Variants in TNFAIP8L1 observed in about 807,000 individuals in gnomAD.
The protein encoded by TNFAIP8L1 is TNF alpha induced protein 8 like 1.
For missense variants in TNFAIP8L1, 225 were observed against 266.1 expected (o/e 0.85, Z 1.08); for synonymous variants, 127 against 125.6 (o/e 1.01, Z -0.08).
chr19:4,649,886 C>T (rs2088346180), intron 1 of TNFAIP8L1, among the ~76,000 whole-genome samples: 1 of 152,216 alleles, frequency 6.6e-6, no homozygotes, highest in Non-Finnish European at 1.5e-5. Flanking sequence ...TGGAACTTCT[C>T]CCGGAGTCTG....
rs572976415 is a variant in TNFAIP8L1 at position 4,643,880 on chromosome 19, G to A, written c.-4+4251G>A. The stretch of plus-strand genomic sequence containing the variant: ...AACTGGAGAGGTGGAGGTTGCAGTG[G>A]GCTGAGATCGCGCAACAGAGCGAGA... On this transcript the variant is annotated intron_variant, in intron 1 of 1. Transcript: ENST00000327473. Among the ~76,000 whole-genome samples, 20 of 150,686 alleles carry A rather than the reference G, an allele frequency of 1.3e-4. No individual in the cohort carries two copies. The South Asian group carries it at 4.3e-3, about 32-fold the overall frequency.
chr19:4,648,475 C>A (rs143660774), intron 1 of TNFAIP8L1, among the ~76,000 whole-genome samples: 5 of 152,346 alleles, frequency 3.3e-5, no homozygotes, highest in African/African-American at 1.2e-4. Context: ...AGGGGAAGGC[C>A]AGGCAGCTGG....
In TNFAIP8L1 at chr19:4,651,934, C is replaced by T. The variant is rs1432818954; in HGVS notation, c.65C>T (p.Ala22Val). 1.2e-6 allele frequency: 2 copies of T among 1,613,654 alleles called. No homozygotes were observed. The highest frequency in any genetic ancestry group is 1.7e-6 in the Non-Finnish European group (2 of 1,179,734). ...CAGAAGAAGCTCCTGAGTAAGATGG[C>T]GTCCAAGGCAGTGGTGGCCGTGCTG... ...QAQKKLLSKM[A>V]SKAVVAVLVD... Residue 22 changes from alanine (A) to valine (V), a missense_variant, in exon 2 of 2, where the codon GCG (alanine) becomes GTG (valine). Ala to Val is a moderately conservative substitution (Grantham distance 64, BLOSUM62 0). Coordinates refer to ENST00000327473, the MANE Select transcript of TNFAIP8L1 (RefSeq NM_152362.3).
In TNFAIP8L1 at chr19:4,645,706, CAAAA is replaced by C. The variant is rs58019387; in HGVS notation, c.-4+6091_-4+6094del. ...GAGGCTGAGGCAGGAGGATCCGTCT[CAAAA>C]AAAAAAAAAAAAAGGAATATAGGGA... On this transcript the variant is annotated intron_variant, in intron 1 of 1. Transcript: ENST00000327473. This position sits in a 1 kb window ranked among gnomAD's most constrained non-coding sequence, Gnocchi z 4.1. Among the ~76,000 whole-genome samples, 3 of 92,802 alleles carry C rather than the reference CAAAA, an allele frequency of 3.2e-5. No individual in the cohort carries two copies. The highest frequency in any genetic ancestry group is 1.2e-4 in the Admixed American group (1 of 8,338). The allele number at this position is 92,802 out of a possible 152,430, so 60.9% of individuals were successfully genotyped here.
At chr19:4,649,297 G>C (rs1599827857) in intron 1 of TNFAIP8L1, among the ~76,000 whole-genome samples, 1 of 151,964 alleles carries the variant, frequency 6.6e-6, no homozygotes. Flanking sequence ...ACAGAGCTGA[G>C]GTGGGCACGG....
Position 4,652,417 on chromosome 19 carries a change from AG to A in TNFAIP8L1, c.551del (p.Gly184AlafsTer57). On this transcript the variant is annotated frameshift_variant, in exon 2 of 2. Transcript: ENST00000327473. LOFTEE classifies it high-confidence loss of function. Reference sequence around the variant, plus strand: ...GAGGGCCTGGGCCGGATGCTGGACGAGGGCAGCCTCTGAACCCCGGCGCCGC... The same window carrying A: ...GAGGGCCTGGGCCGGATGCTGGACGAGGCAGCCTCTGAACCCCGGCGCCGC... ...ICEGLGRMLD[E>X]GSL 6.5e-7 allele frequency: 1 copy of A among 1,528,420 alleles called. No individual in the cohort carries two copies. Among genetic ancestry groups the A allele is most frequent in the Non-Finnish European group, 8.8e-7 (1 of 1,135,182 alleles). 94.7% of individuals were successfully genotyped at this position (1,528,420 alleles called of 1,614,324 possible). A position where few individuals can be genotyped will look rare whatever the true frequency, so the allele number is the denominator to read the frequency against.
At chr19:4,649,440 G>T (rs1162191078) in intron 1 of TNFAIP8L1, among the ~76,000 whole-genome samples, 1 of 152,146 alleles carries the variant, frequency 6.6e-6, no homozygotes, top group Non-Finnish European at 1.5e-5. Flanking sequence ...ATTTCAGATG[G>T]GGAAACTGAG....
In TNFAIP8L1 at chr19:4,641,808, C is replaced by T. The variant is rs1230501219; in HGVS notation, c.-4+2179C>T. 1 of 152,196 alleles carries T rather than the reference C, an allele frequency of 6.6e-6. No individual in the cohort carries two copies. Among genetic ancestry groups the T allele is most frequent in the Non-Finnish European group, 1.5e-5 (1 of 68,066 alleles). 9.4% of individuals were successfully genotyped at this position (152,196 alleles called of 1,614,324 possible). ...GCTCTGGGAGAGACGAGACTTGAACCCCAAATGTGCCATTGACTAGGATGA... is the reference window on the plus strand; with the variant it reads ...GCTCTGGGAGAGACGAGACTTGAACTCCAAATGTGCCATTGACTAGGATGA... On this transcript the variant is annotated intron_variant, in intron 1 of 1. Transcript: ENST00000327473. The surrounding 1 kb of genome is among the most constrained non-coding windows in gnomAD (Gnocchi z 4.6).
At chr19:4,649,232 C>CTT (rs60908273) in intron 1 of TNFAIP8L1, among the ~76,000 whole-genome samples, 4,458 of 145,092 alleles carry the variant, frequency 0.031, 199 homozygotes, top group African/African-American at 0.11. Context: ...GCCCGGCCAG[C>CTT]TTTTTTTTTT....
intron 1 of TNFAIP8L1, among the ~76,000 whole-genome samples, chr19:4,646,355 G>A (rs2088311347): frequency 6.7e-6 from 1 of 149,888 alleles, no homozygotes; most frequent in African/African-American, 2.5e-5. Flanking sequence ...TTGAACTCCT[G>A]GCCTCAATTG....
Position 4,645,373 on chromosome 19 carries a change from C to T in TNFAIP8L1, c.-4+5744C>T, listed in dbSNP as rs1356964526. 6.6e-6 allele frequency among the ~76,000 whole-genome samples: 1 copy of T among 151,992 alleles called. No individual in the cohort carries two copies. The highest frequency in any genetic ancestry group is 6.6e-5 in the Admixed American group (1 of 15,246). On this transcript the variant is annotated intron_variant, in intron 1 of 1. Coordinates refer to ENST00000327473, the MANE Select transcript of TNFAIP8L1 (RefSeq NM_152362.3). The surrounding 1 kb of genome is among the most constrained non-coding windows in gnomAD (Gnocchi z 4.1). The stretch of plus-strand genomic sequence containing the variant: ...GACCAGCCTGGCCGACATGGCCAAA[C>T]CCCGTCTCTACTAAAAATACACAAA...
At chr19:4,649,715 A>G (rs2088344589) in intron 1 of TNFAIP8L1, among the ~76,000 whole-genome samples, 1 of 152,256 alleles carries the variant, frequency 6.6e-6, no homozygotes, top group Non-Finnish European at 1.5e-5. Flanking sequence ...GTGGGCACAC[A>G]TCGCTGACTC....
chr19:4,642,513 A>G (rs565821989), intron 1 of TNFAIP8L1: 1 of 152,094 alleles, frequency 6.6e-6, no homozygotes, highest in South Asian at 2.1e-4. Context: ...AAATATACAC[A>G]TAAAATAAAT....
At chr19:4,646,788 G>A (rs1454885210) in intron 1 of TNFAIP8L1, among the ~76,000 whole-genome samples, 3 of 152,090 alleles carry the variant, frequency 2.0e-5, no homozygotes, top group East Asian at 3.9e-4. Context: ...CCGCCACCGC[G>A]CCCCGCTAAT....
At chr19:4,643,495 T>C (rs945095393) in intron 1 of TNFAIP8L1, among the ~76,000 whole-genome samples, 1 of 152,114 alleles carries the variant, frequency 6.6e-6, no homozygotes, top group African/African-American at 2.4e-5. Context: ...CAGTGGAAAG[T>C]GTCCAGGCTC....
rs1208273823 is a variant in TNFAIP8L1, at chr19:4,652,904, CAGA to C, written c.*478_*480del. 1 of 176,616 alleles carries C rather than the reference CAGA, an allele frequency of 5.7e-6. No homozygotes were observed. Among genetic ancestry groups the C allele is most frequent in the Non-Finnish European group, 1.3e-5 (1 of 75,080 alleles). The allele number at this position is 176,616 out of a possible 1,614,324, so 10.9% of individuals were successfully genotyped here. A position where few individuals can be genotyped will look rare whatever the true frequency, so the allele number is the denominator to read the frequency against. On this transcript the variant is annotated 3_prime_UTR_variant, in exon 2 of 2. Coordinates refer to ENST00000327473, the MANE Select transcript of TNFAIP8L1 (RefSeq NM_152362.3). ...ACTCACGTCCTAACCCCCAGGACCT[CAGA>C]AGATGATCTGATTTGGAAATAGGAT... is the stretch of plus-strand genomic sequence containing the variant.
At chr19:4,647,539 C>T (rs943373112) in intron 1 of TNFAIP8L1, among the ~76,000 whole-genome samples, 2 of 150,696 alleles carry the variant, frequency 1.3e-5, no homozygotes, top group East Asian at 3.9e-4. Flanking sequence ...CTCAACTCTT[C>T]ACCTCAGGTG....
intron 1 of TNFAIP8L1, among the ~76,000 whole-genome samples, chr19:4,646,661 C>T (rs1020459134): frequency 6.0e-5 from 9 of 150,700 alleles, no homozygotes; most frequent in East Asian, 4.0e-4. Context: ...GATGGAGTCT[C>T]GCTCTGTCAC....
In TNFAIP8L1 at chr19:4,645,594, A is replaced by AACAT. The variant is rs1334941072; in HGVS notation, c.-4+5979_-4+5982dup. On this transcript the variant is annotated intron_variant, in intron 1 of 1. Coordinates refer to ENST00000327473, the MANE Select transcript of TNFAIP8L1 (RefSeq NM_152362.3). This position sits in a 1 kb window ranked among gnomAD's most constrained non-coding sequence, Gnocchi z 4.1. ...AAGACTCCATCTCAAAATACATACA[A>AACAT]ACATACATACATACATAAACTTATA... 1.8e-4 allele frequency among the ~76,000 whole-genome samples: 28 copies of AACAT among 151,820 alleles called. No homozygotes were observed. The highest frequency in any genetic ancestry group is 5.8e-4 in the African/African-American group (24 of 41,382).
Sources: allele counts gnomAD v4.1 joint callset (sites outside exome capture counted in the v4.1 genomes callset), GRCh38; gene constraint gnomAD v4.1.1; non-coding constraint Gnocchi (gnomAD v3.1); transcripts MANE v1.5; gene names NCBI Gene and HGNC (gene_info 2026-07-23, HGNC 2026-07-21).